Variants in CUL4A observed in about 807,000 individuals in gnomAD.
The protein encoded by CUL4A is cullin 4A.
CUL4A carries 16 observed loss-of-function variants against 95.5 expected under a neutral mutation model. That is an observed-to-expected ratio of 0.17 (90% CI 0.11 to 0.25). The LOEUF (loss-of-function observed/expected upper bound fraction) is 0.25, where lower values mean the gene tolerates loss of function less well. CUL4A is among the 10% of genes least tolerant of loss of function. The probability of loss-of-function intolerance (pLI) is 1.00; values close to 1 mark genes in which losing one functional copy is unlikely to be tolerated. For missense variants in CUL4A, 610 were observed against 937.0 expected (o/e 0.65, Z 4.56); for synonymous variants, 380 against 353.1 (o/e 1.08, Z -0.85).
intron 6 of CUL4A, 53 bp downstream of exon 6, chr13:113,233,392 C>T: frequency 6.7e-7 from 1 of 1,494,078 alleles, no homozygotes; most frequent in South Asian, 1.2e-5. Context: ...CTACTTGCAC[C>T]AGAATAAATG....
At chr13:113,224,601 A>G (rs1270503450) in intron 3 of CUL4A, among the ~76,000 whole-genome samples, 1 of 152,180 alleles carries the variant, frequency 6.6e-6, no homozygotes, top group African/African-American at 2.4e-5. Flanking sequence ...TGCCTTTATG[A>G]TCCGCACTGG....
At chr13:113,218,889 T>C in intron 2 of CUL4A, 56 bp from the exon 3 acceptor site, 3 of 1,274,466 alleles carry the variant, frequency 2.4e-6, no homozygotes, top group Non-Finnish European at 3.4e-6. Flanking sequence ...TAGGGTTTTT[T>C]TATGAACCAA....
chr13:113,208,932 A>C (rs1374932507), upstream of CUL4A: 2 of 1,337,692 alleles, frequency 1.5e-6, no homozygotes, highest in Non-Finnish European at 1.9e-6. Flanking sequence ...CCCCACGGCT[A>C]AACTGCCTTT....
At chr13:113,235,814 C>T (rs1745286682) in intron 8 of CUL4A, among the ~76,000 whole-genome samples, 1 of 151,814 alleles carries the variant, frequency 6.6e-6, no homozygotes, top group African/African-American at 2.4e-5. Context: ...ACTAACAATA[C>T]AAAAAAATTA....
chr13:113,246,096 G>A (rs373236713), intron 15 of CUL4A, 33 bp downstream of exon 15: 110 of 1,508,218 alleles, frequency 7.3e-5, no homozygotes, highest in East Asian at 3.9e-4. Context: ...GTCCGCTCCC[G>A]CTGTCATGCC....
intron 15 of CUL4A, among the ~76,000 whole-genome samples, chr13:113,249,579 T>TAG (rs2041942761): frequency 6.6e-6 from 1 of 152,252 alleles, no homozygotes; most frequent in African/African-American, 2.4e-5. Context: ...GTACAAGTTT[T>TAG]AGTTTGAACA....
chr13:113,223,858 GT>G (rs1190796615), intron 3 of CUL4A, among the ~76,000 whole-genome samples: 1 of 152,160 alleles, frequency 6.6e-6, no homozygotes, highest in Non-Finnish European at 1.5e-5. Context: ...TGTCTCACAT[GT>G]TTGATAAATT....
intron 19 of CUL4A, 63 bp from the exon 20 acceptor site, chr13:113,263,424 G>A: frequency 2.3e-6 from 2 of 855,704 alleles, no homozygotes; most frequent in East Asian, 2.6e-5. Flanking sequence ...TATACCCCTT[G>A]TATGTAAATG....
At chr13:113,218,544 A>G (rs907650004) in intron 2 of CUL4A, among the ~76,000 whole-genome samples, 1 of 152,162 alleles carries the variant, frequency 6.6e-6, no homozygotes, top group African/African-American at 2.4e-5. Context: ...TTAAACACAA[A>G]CACACTCCAG....
chr13:113,209,718 C>T lies in CUL4A; in HGVS notation c.91C>T (p.Pro31Ser), dbSNP rs2040278818. 2 of 1,160,946 alleles carry T rather than the reference C, an allele frequency of 1.7e-6. No homozygotes were observed. The highest frequency in any genetic ancestry group is 2.1e-6 in the Non-Finnish European group (2 of 942,808). The allele number at this position is 1,160,946 out of a possible 1,614,324, so 71.9% of individuals were successfully genotyped here. ...LTKPAALAAA[P>S]AKPGGAGGSK... ...CAAGCCCGCGGCCCTGGCCGCCGCG[C>T]CCGCCAAGCCGGGGGGCGCGGGCGG... The change falls in exon 1 of 20, where the codon CCC becomes TCC. Residue 31 changes from proline (P) to serine (S), a missense_variant. Physicochemically the swap from Pro to Ser is moderately conservative, Grantham distance 74. Around this residue, in one of 10 missense-constraint regions of CUL4A, gnomAD observed 168 missense variants for 185.5 expected, o/e 0.91. Transcript: ENST00000375440.
chr13:113,208,757 G>C, upstream of CUL4A: 1 of 1,449,794 alleles, frequency 6.9e-7, no homozygotes, highest in South Asian at 1.4e-5. Context: ...GCGCAGGTTG[G>C]TTCCGGAGGG....
intron 5 of CUL4A, among the ~76,000 whole-genome samples, chr13:113,231,636 C>G (rs1373870962): frequency 6.6e-6 from 1 of 152,178 alleles, no homozygotes; most frequent in African/African-American, 2.4e-5. Flanking sequence ...AACATTTGAT[C>G]CCCATTTTAA....
At chr13:113,229,233 A>C (rs1167982089) in intron 4 of CUL4A, among the ~76,000 whole-genome samples, 1 of 152,234 alleles carries the variant, frequency 6.6e-6, no homozygotes, top group East Asian at 1.9e-4. Flanking sequence ...GTGCGTTAAA[A>C]TTCCTACAGT....
chr13:113,221,381 C>A (rs961229503), intron 3 of CUL4A, among the ~76,000 whole-genome samples: 4 of 152,180 alleles, frequency 2.6e-5, no homozygotes, highest in African/African-American at 7.2e-5. Context: ...ACACCACAGC[C>A]TTCCATTGGG....
Position 113,209,754 on chromosome 13 carries a change from C to T in CUL4A, c.127C>T (p.Leu43=). 2 of 1,176,278 alleles carry T rather than the reference C, an allele frequency of 1.7e-6. No homozygotes were observed. Among genetic ancestry groups the T allele is most frequent in the Non-Finnish European group, 2.1e-6 (2 of 952,210 alleles). The allele number at this position is 1,176,278 out of a possible 1,614,324, so 72.9% of individuals were successfully genotyped here. The change falls in exon 1 of 20, where the codon CTG becomes TTG. Residue 43 remains leucine (L), a synonymous_variant. Transcript: ENST00000375440. Reference sequence around the variant, plus strand: ...GGGGGGCGCGGGCGGCTCCAAGAAGCTGGTCATCAAGAACTTCCGAGGTGG... The same window carrying T: ...GGGGGGCGCGGGCGGCTCCAAGAAGTTGGTCATCAAGAACTTCCGAGGTGG... The part of the protein sequence containing the change: ...KPGGAGGSKK[L]VIKNFRDRPR...
chr13:113,220,075 T>A (rs1004058730), intron 3 of CUL4A, among the ~76,000 whole-genome samples: 4 of 152,194 alleles, frequency 2.6e-5, no homozygotes, highest in African/African-American at 9.7e-5. Flanking sequence ...TGTGTTTGCT[T>A]ATTTCTAAGT....
At position 113,264,311 on chromosome 13, in the gene CUL4A, A is replaced by C. The variant is rs992249803; in HGVS notation, c.*729A>C. On this transcript the variant is annotated 3_prime_UTR_variant, in exon 20 of 20. Transcript: ENST00000375440. ...CTAGTGTGTTTGTGTTTCCATTCTA[A>C]GATTGAGTCTGGCAGTCCCTGTTTT... 2.6e-5 allele frequency: 4 copies of C among 152,032 alleles called. No individual in the cohort carries two copies. The highest frequency in any genetic ancestry group is 9.7e-5 in the African/African-American group (4 of 41,398). The allele number at this position is 152,032 out of a possible 1,614,324, so 9.4% of individuals were successfully genotyped here. A position where few individuals can be genotyped will look rare whatever the true frequency, so the allele number is the denominator to read the frequency against.
upstream of CUL4A, chr13:113,208,468 G>A: frequency 1.3e-6 from 2 of 1,529,776 alleles, no homozygotes; most frequent in African/African-American, 1.4e-5. Context: ...GCGGCTGCCC[G>A]CCGGGGACCC....
intron 18 of CUL4A, among the ~76,000 whole-genome samples, chr13:113,259,697 G>A (rs977903186): frequency 6.6e-6 from 1 of 152,132 alleles, no homozygotes; most frequent in Non-Finnish European, 1.5e-5. Context: ...AATATATCCT[G>A]ATGGTCATTA....
Sources: gnomAD v4.1 joint callset for allele counts (sites outside exome capture counted in the v4.1 genomes callset) on GRCh38, gnomAD v4.1.1 for gene constraint, gnomAD v4.1.1 regional missense constraint, MANE v1.5 for transcripts, NCBI Gene and HGNC (gene_info 2026-07-23, HGNC 2026-07-21) for gene names.